SDK1: variants seen among roughly 807,000 people sequenced by gnomAD.
SDK1 encodes the protein sidekick cell adhesion molecule 1.
A neutral mutation model predicts 245.5 loss-of-function variants in SDK1; 157 were observed. That is an observed-to-expected ratio of 0.64 (90% CI 0.56 to 0.73). The LOEUF (loss-of-function observed/expected upper bound fraction) is 0.73, where lower values mean the gene tolerates loss of function less well. SDK1 is among the 30% of genes least tolerant of loss of function. The pLI is 0.00. For synonymous variants in SDK1, 1,647 were observed against 1,278.5 expected, an observed-to-expected ratio of 1.29 and a Z score of -6.15; for missense variants, 3,583 against 3,002.3, an observed-to-expected ratio of 1.19 and a Z score of -4.52.
intron 35 of SDK1, among the ~76,000 whole-genome samples, chr7:4,193,394 A>G (rs1783355982): frequency 7.7e-6 from 1 of 130,574 alleles, no homozygotes; most frequent in Admixed American, 8.0e-5. Flanking sequence ...ATATATATAT[A>G]TATAAAGGGG....
At chr7:3,534,824 C>A (rs908117191) in intron 1 of SDK1, among the ~76,000 whole-genome samples, 1 of 152,300 alleles carries the variant, frequency 6.6e-6, no homozygotes, top group African/African-American at 2.4e-5. Context: ...AAATAGATGC[C>A]GGCAGTTGTG....
chr7:3,476,249 A>T (rs1046552585), intron 1 of SDK1, among the ~76,000 whole-genome samples: 3 of 152,132 alleles, frequency 2.0e-5, no homozygotes, highest in African/African-American at 7.2e-5. Flanking sequence ...GCTTTCTTTA[A>T]TGCCAGTGAC....
chr7:3,964,202 A>G (rs963746952), intron 9 of SDK1, among the ~76,000 whole-genome samples: 1 of 152,226 alleles, frequency 6.6e-6, no homozygotes, highest in Non-Finnish European at 1.5e-5. Flanking sequence ...AAGTGGGCAG[A>G]CCAGGAGAGC....
chr7:4,170,554 A>C (rs1781776139), intron 32 of SDK1, among the ~76,000 whole-genome samples: 1 of 152,120 alleles, frequency 6.6e-6, no homozygotes, highest in Non-Finnish European at 1.5e-5. Context: ...CCACGCCCCC[A>C]CATCTCTGGT....
chr7:3,846,285 T>A (rs1394448210), intron 5 of SDK1, among the ~76,000 whole-genome samples: 1 of 152,190 alleles, frequency 6.6e-6, no homozygotes, highest in African/African-American at 2.4e-5. Context: ...GGGATCTCAA[T>A]AAAGATTTCC....
intron 1 of SDK1, among the ~76,000 whole-genome samples, chr7:3,580,998 A>G (rs1562578402): frequency 1.0e-5 from 1 of 98,142 alleles, no homozygotes; most frequent in East Asian, 3.6e-4. Context: ...AAAAAAACCA[A>G]AACAAAACCC....
intron 5 of SDK1, among the ~76,000 whole-genome samples, chr7:3,834,065 G>C (rs540978229): frequency 6.6e-6 from 1 of 152,140 alleles, no homozygotes; most frequent in Non-Finnish European, 1.5e-5. Context: ...GGAAACAGCT[G>C]GCATACTGGC....
rs564445737 is a variant in SDK1, at chr7:3,854,176, G to A, written c.847+32593G>A. ...TTACTTTCTTAGAAAACTTTTAGGA[G>A]CCAAAGGTTATGTACGGTGTGGTAG... On this transcript the variant is annotated intron_variant, in intron 5 of 44. Coordinates refer to ENST00000404826, the MANE Select transcript of SDK1 (RefSeq NM_152744.4). Among the ~76,000 whole-genome samples the A allele has an allele frequency of 3.9e-5, 6 of 152,196 alleles. No homozygotes were observed. The East Asian group carries it at 1.2e-3, about 29-fold the overall frequency.
intron 5 of SDK1, among the ~76,000 whole-genome samples, chr7:3,939,788 T>C (rs1363391911): frequency 6.6e-6 from 1 of 152,252 alleles, no homozygotes; most frequent in Non-Finnish European, 1.5e-5. Context: ...CCGACACACC[T>C]GTTGCTCTGA....
chr7:3,710,966 C>G (rs534084982), intron 4 of SDK1, among the ~76,000 whole-genome samples: 12 of 152,258 alleles, frequency 7.9e-5, no homozygotes, highest in African/African-American at 2.9e-4. Flanking sequence ...GAAAGCTTTT[C>G]TTTACATGTA....
chr7:3,535,162 G>A (rs1223067555), intron 1 of SDK1, among the ~76,000 whole-genome samples: 2 of 152,156 alleles, frequency 1.3e-5, no homozygotes, highest in African/African-American at 2.4e-5. Context: ...TGTAATCCCA[G>A]CTACTCAGGA....
intron 1 of SDK1, among the ~76,000 whole-genome samples, chr7:3,360,081 G>C (rs572252140): frequency 2.6e-5 from 4 of 152,210 alleles, no homozygotes; most frequent in African/African-American, 9.7e-5. Flanking sequence ...GAGAAGAGAA[G>C]TTTTTTTCCT....
chr7:4,098,232 C>G (rs1045657890), intron 22 of SDK1, among the ~76,000 whole-genome samples: 1 of 152,238 alleles, frequency 6.6e-6, no homozygotes, highest in African/African-American at 2.4e-5. Context: ...AAAATACTGC[C>G]GCATACGTGA....
intron 1 of SDK1, among the ~76,000 whole-genome samples, chr7:3,566,296 C>T (rs1779915047): frequency 6.9e-6 from 1 of 145,640 alleles, no homozygotes; most frequent in African/African-American, 2.6e-5. Context: ...GCGATCTTGG[C>T]TCACTGCAAG....
At chr7:3,654,092 G>A (rs1441091575) in intron 4 of SDK1, among the ~76,000 whole-genome samples, 2 of 152,182 alleles carry the variant, frequency 1.3e-5, no homozygotes, top group Non-Finnish European at 2.9e-5. Context: ...TAGAGAGGAC[G>A]TGGGAGGAAG....
At chr7:3,693,682 C>A (rs1005794265) in intron 4 of SDK1, among the ~76,000 whole-genome samples, 2 of 152,028 alleles carry the variant, frequency 1.3e-5, no homozygotes, top group Non-Finnish European at 2.9e-5. Context: ...TCTTGGAGAT[C>A]ATCATCAACT....
chr7:3,786,411 C>G (rs919696126), intron 4 of SDK1, among the ~76,000 whole-genome samples: 1 of 152,180 alleles, frequency 6.6e-6, no homozygotes, highest in African/African-American at 2.4e-5. Flanking sequence ...TCCTCTTTCT[C>G]ACTTAAAAAA....
At chr7:4,201,063 C>A (rs879900122) in intron 35 of SDK1, among the ~76,000 whole-genome samples, 4 of 152,180 alleles carry the variant, frequency 2.6e-5, no homozygotes, top group Non-Finnish European at 4.4e-5. Context: ...GCACTGGGCA[C>A]CATGTCCTTT....
At chr7:3,723,915 T>C (rs6980175) in intron 4 of SDK1, among the ~76,000 whole-genome samples, 1 of 114,874 alleles carries the variant, frequency 8.7e-6, no homozygotes, top group South Asian at 2.6e-4. Context: ...CGTACATATA[T>C]ATATACACGT....
Sources: allele counts gnomAD v4.1 joint callset (sites outside exome capture counted in the v4.1 genomes callset), GRCh38; gene constraint gnomAD v4.1.1; transcripts MANE v1.5; gene names NCBI Gene and HGNC (gene_info 2026-07-23, HGNC 2026-07-21).